The following MYO16 variants were observed in gnomAD, a reference collection of about 807,000 sequenced individuals.
The protein encoded by MYO16 is unconventional myosin-XVI.
A neutral mutation model predicts 205.3 loss-of-function variants in MYO16; 94 were observed. The observed-to-expected ratio is 0.46, with a 90% CI of 0.39 to 0.54. The LOEUF (loss-of-function observed/expected upper bound fraction) is 0.54. MYO16 is among the 20% of genes least tolerant of loss of function. The pLI is 0.00. For missense variants in MYO16, 2,315 were observed against 2,387.5 expected (o/e 0.97, Z 0.63); for synonymous variants, 988 against 954.0 (o/e 1.04, Z -0.66).
At chr13:108,746,153 A>C (rs1885056402) in intron 4 of MYO16, among the ~76,000 whole-genome samples, 1 of 152,184 alleles carries the variant, frequency 6.6e-6, no homozygotes, top group Non-Finnish European at 1.5e-5. Context: ...AGATTGTGCC[A>C]CTGCACTCCA....
At chr13:108,536,439 T>A in the MYO16 span, among the ~76,000 whole-genome samples, 2 of 150,840 alleles carry the variant, frequency 1.3e-5, no homozygotes, top group Non-Finnish European at 3.0e-5. Flanking sequence ...GAATCCTTGT[T>A]TCTTGGAGCT....
At chr13:108,578,822 G>A in the MYO16 span, among the ~76,000 whole-genome samples, 1 of 151,788 alleles carries the variant, frequency 6.6e-6, no homozygotes, top group Non-Finnish European at 1.5e-5. Flanking sequence ...TGGACTGCAT[G>A]TGGATCACAA....
At chr13:108,833,668 G>A (rs1316597119) in intron 9 of MYO16, among the ~76,000 whole-genome samples, 1 of 152,000 alleles carries the variant, frequency 6.6e-6, no homozygotes, top group East Asian at 1.9e-4. Context: ...TTACATTCCT[G>A]TTTCCATTTT....
At chr13:108,642,529 TGC>T (rs1225492380) in intron 1 of MYO16, among the ~76,000 whole-genome samples, 8 of 152,152 alleles carry the variant, frequency 5.3e-5, no homozygotes, top group Admixed American at 1.3e-4. Context: ...GCGATTGTCA[TGC>T]CTCAGCCTCC....
rs115954226 is a variant in MYO16 at position 108,777,305 on chromosome 13, T to G, written c.508-8330T>G. ...CAAAAAGTCCACCAAAGAAGGTAGT[T>G]TGAATAGGATGCATTTAATATTAAT... On this transcript the variant is annotated intron_variant, in intron 4 of 34. Transcript: ENST00000457511. 4.1e-3 allele frequency among the ~76,000 whole-genome samples: 618 copies of G among 152,184 alleles called. 6 individuals carry two copies. Among genetic ancestry groups the G allele is most frequent in the African/African-American group, 0.014 (593 of 41,538 alleles).
At chr13:109,063,684 T>C (rs1024890734) in intron 27 of MYO16, among the ~76,000 whole-genome samples, 1 of 152,146 alleles carries the variant, frequency 6.6e-6, no homozygotes, top group African/African-American at 2.4e-5. Flanking sequence ...CCACCCCAAC[T>C]AAAACAGCCG....
chr13:109,145,386 T>C (rs938192316), intron 32 of MYO16, among the ~76,000 whole-genome samples: 2 of 152,148 alleles, frequency 1.3e-5, no homozygotes, highest in African/African-American at 2.4e-5. Flanking sequence ...AAAAAAGTCT[T>C]TTAAAATTAA....
At chr13:109,123,052 A>T (rs928841660) in intron 29 of MYO16, among the ~76,000 whole-genome samples, 1 of 152,210 alleles carries the variant, frequency 6.6e-6, no homozygotes, top group Admixed American at 6.5e-5. Context: ...TGCTCATTTT[A>T]TCCTGGATGA....
At chr13:109,031,940 A>T (rs1471770404) in intron 23 of MYO16, among the ~76,000 whole-genome samples, 1 of 152,160 alleles carries the variant, frequency 6.6e-6, no homozygotes, top group East Asian at 1.9e-4. Flanking sequence ...CTGCCTAGAC[A>T]TTGTACGGTG....
At chr13:109,024,903 G>C (rs1282679925) in intron 23 of MYO16, among the ~76,000 whole-genome samples, 1 of 152,126 alleles carries the variant, frequency 6.6e-6, no homozygotes, top group Non-Finnish European at 1.5e-5. Context: ...AGCTACTGCA[G>C]TTTCAAAAAA....
At chr13:109,128,773 T>A (rs865816221) in intron 31 of MYO16, among the ~76,000 whole-genome samples, 1 of 144,922 alleles carries the variant, frequency 6.9e-6, no homozygotes, top group African/African-American at 2.7e-5. Flanking sequence ...TTTTAGTTTT[T>A]TTTTTTTTTT....
chr13:109,190,955 A>G (rs551879501), intron 34 of MYO16, among the ~76,000 whole-genome samples: 2 of 152,124 alleles, frequency 1.3e-5, no homozygotes, highest in African/African-American at 2.4e-5. Context: ...GCAGTGGCTC[A>G]TGTCTGTAAT....
intron 4 of MYO16, among the ~76,000 whole-genome samples, chr13:108,756,900 T>C (rs923337814): frequency 6.6e-6 from 1 of 152,190 alleles, no homozygotes; most frequent in Non-Finnish European, 1.5e-5. Context: ...TTATATATGG[T>C]ACCTATACTG....
intron 16 of MYO16, among the ~76,000 whole-genome samples, chr13:108,949,406 C>T (rs566740085): frequency 9.9e-5 from 15 of 152,052 alleles, no homozygotes; most frequent in South Asian, 2.1e-4. Flanking sequence ...TAACAGTGAA[C>T]GTGTGAAAAC....
intron 27 of MYO16, among the ~76,000 whole-genome samples, chr13:109,082,585 A>G (rs1425547911): frequency 6.6e-6 from 1 of 152,178 alleles, no homozygotes; most frequent in Non-Finnish European, 1.5e-5. Flanking sequence ...CTTTAATCCC[A>G]GCACTTTGGG....
chr13:109,018,249 T>G (rs1429914880), intron 22 of MYO16, among the ~76,000 whole-genome samples: 1 of 152,212 alleles, frequency 6.6e-6, no homozygotes, highest in Non-Finnish European at 1.5e-5. Context: ...TGTTGGAGTT[T>G]GTTGGAGGTC....
intron 10 of MYO16, among the ~76,000 whole-genome samples, chr13:108,852,107 T>C (rs532310673): frequency 6.6e-5 from 10 of 152,332 alleles, no homozygotes; most frequent in African/African-American, 1.9e-4. Context: ...ACGTGACCTC[T>C]TCAAAGACGA....
chr13:108,846,831 T>C (rs1267604916), intron 10 of MYO16, among the ~76,000 whole-genome samples: 2 of 152,150 alleles, frequency 1.3e-5, no homozygotes, highest in African/African-American at 2.4e-5. Flanking sequence ...CTCAGGCTAA[T>C]TGATTTCCTA....
intron 28 of MYO16, 44 bp from the exon 29 acceptor site, chr13:109,120,326 G>T: frequency 7.7e-7 from 1 of 1,293,144 alleles, no homozygotes; most frequent in Non-Finnish European, 1.1e-6. Flanking sequence ...CATCATTTTG[G>T]TATCTTCATG....
Sources: gnomAD v4.1 joint callset for allele counts (sites outside exome capture counted in the v4.1 genomes callset) on GRCh38, gnomAD v4.1.1 for gene constraint, MANE v1.5 for transcripts, NCBI Gene and HGNC (gene_info 2026-07-23, HGNC 2026-07-21) for gene names.